The following SLC12A8 variants were observed in gnomAD, a reference collection of about 807,000 sequenced individuals.
SLC12A8 encodes the protein solute carrier family 12 member 8.
SLC12A8 carries 69 observed loss-of-function variants against 75.6 expected under a neutral mutation model. That is an observed-to-expected ratio of 0.91 (90% CI 0.75 to 1.11). The LOEUF (loss-of-function observed/expected upper bound fraction) is 1.11, where lower values mean the gene tolerates loss of function less well. Among genes scored for constraint, SLC12A8 ranks in the 50% most tolerant of loss-of-function variants. SLC12A8 has a pLI of 0.00. For missense variants in SLC12A8, 877 were observed against 896.7 expected (o/e 0.98, Z 0.28); for synonymous variants, 365 against 372.8 (o/e 0.98, Z 0.24).
At chr3:125,208,285 C>T (rs976415531) in intron 2 of SLC12A8, among the ~76,000 whole-genome samples, 3 of 152,164 alleles carry the variant, frequency 2.0e-5, no homozygotes, top group Non-Finnish European at 4.4e-5. Context: ...GGAACAATGT[C>T]CCACATTCTG....
chr3:125,203,030 G>A (rs1258340191), intron 2 of SLC12A8, among the ~76,000 whole-genome samples: 1 of 142,550 alleles, frequency 7.0e-6, no homozygotes, highest in South Asian at 2.3e-4. Flanking sequence ...GAAGGTTGCA[G>A]TGAGCTGAGA....
intron 5 of SLC12A8, among the ~76,000 whole-genome samples, chr3:125,174,319 C>G (rs1386623070): frequency 6.6e-6 from 1 of 151,882 alleles, no homozygotes; most frequent in Non-Finnish European, 1.5e-5. Flanking sequence ...AAAACAAAAA[C>G]AAAAAAACTG....
chr3:125,085,830 C>T (rs1446901989), intron 13 of SLC12A8, among the ~76,000 whole-genome samples: 1 of 152,152 alleles, frequency 6.6e-6, no homozygotes, highest in African/African-American at 2.4e-5. Flanking sequence ...CCTGCCTCAG[C>T]CTCCCAAAGT....
intron 2 of SLC12A8, among the ~76,000 whole-genome samples, chr3:125,205,871 G>C (rs1306355907): frequency 6.6e-6 from 1 of 152,112 alleles, no homozygotes; most frequent in Non-Finnish European, 1.5e-5. Flanking sequence ...GATAGTGAGG[G>C]GGTCATGGCT....
intron 6 of SLC12A8, among the ~76,000 whole-genome samples, chr3:125,124,352 A>T (rs1250075241): frequency 6.6e-6 from 1 of 151,672 alleles, no homozygotes; most frequent in Non-Finnish European, 1.5e-5. Flanking sequence ...TTTGAGATGG[A>T]GTTTCCCTCT....
At chr3:125,157,377 G>A (rs906828432) in intron 5 of SLC12A8, among the ~76,000 whole-genome samples, 33 of 152,150 alleles carry the variant, frequency 2.2e-4, no homozygotes, top group African/African-American at 8.0e-4. Context: ...AATAACGGCT[G>A]TGATCTGAAC....
chr3:125,083,932 G>A lies in SLC12A8; in HGVS notation c.2103C>T (p.His701=), dbSNP rs1284415653. ...ADFATRDRYH[H]SSLVNREQLM... Reference sequence around the variant, plus strand: ...GCTGCTCCCGGTTCACGAGGGAGGAGTGGTGGTAGCGATCCCGAGTGGCGA... The same window carrying A: ...GCTGCTCCCGGTTCACGAGGGAGGAATGGTGGTAGCGATCCCGAGTGGCGA... Residue 701 remains histidine, a synonymous_variant, in exon 14 of 14, where the codon CAC becomes CAT. Coordinates refer to ENST00000469902, the MANE Select transcript of SLC12A8 (RefSeq NM_024628.6). 1 of 1,613,594 alleles carries A rather than the reference G, an allele frequency of 6.2e-7. No individual in the cohort carries two copies. The highest frequency in any genetic ancestry group is 1.3e-5 in the African/African-American group (1 of 74,886).
At chr3:125,086,651 G>T (rs1263762749) in intron 13 of SLC12A8, among the ~76,000 whole-genome samples, 1 of 152,198 alleles carries the variant, frequency 6.6e-6, no homozygotes, top group African/African-American at 2.4e-5. Context: ...GGTTGTAGGG[G>T]AGAAGAGATC....
rs753235588 is a variant in SLC12A8 at position 125,108,062 on chromosome 3, AC to A, written c.1123del (p.Val375PhefsTer6). 6.2e-7 allele frequency: 1 copy of A among 1,614,196 alleles called. No individual in the cohort carries two copies. The highest frequency in any genetic ancestry group is 8.5e-7 in the Non-Finnish European group (1 of 1,180,038). The stretch of plus-strand genomic sequence containing the variant: ...CAGAACGTTCACTTGACCCACAAAA[AC>A]AAAGGCCATGGTCACCAAGCTGGTC... Reference protein sequence around the residue: ...CLTSLVTMAFVFVGQVNVLAP... With the variant: ...CLTSLVTMAFXFVGQVNVLAP... On this transcript the variant is annotated frameshift_variant, in exon 10 of 14. Coordinates refer to ENST00000469902, the MANE Select transcript of SLC12A8 (RefSeq NM_024628.6). LOFTEE classifies it high-confidence loss of function.
chr3:125,193,012 C>G (rs1934936614), intron 2 of SLC12A8, among the ~76,000 whole-genome samples: 1 of 152,138 alleles, frequency 6.6e-6, no homozygotes. Context: ...AATAAAATGC[C>G]AAATAAAGCC....
intron 5 of SLC12A8, among the ~76,000 whole-genome samples, chr3:125,174,502 A>G (rs1934478866): frequency 6.6e-6 from 1 of 152,182 alleles, no homozygotes; most frequent in East Asian, 1.9e-4. Context: ...ATGAATGAAA[A>G]ATGTATCCTC....
At chr3:125,094,094 G>A (rs1171015060) in intron 10 of SLC12A8, among the ~76,000 whole-genome samples, 1 of 152,042 alleles carries the variant, frequency 6.6e-6, no homozygotes, top group Admixed American at 6.5e-5. Flanking sequence ...TGCACTTGCG[G>A]TGTGTCATTA....
intron 10 of SLC12A8, among the ~76,000 whole-genome samples, chr3:125,104,808 C>T (rs1399300938): frequency 6.6e-6 from 1 of 152,164 alleles, no homozygotes; most frequent in Non-Finnish European, 1.5e-5. Flanking sequence ...TTTAGAGGCT[C>T]ACCCTTTTGC....
At chr3:125,174,845 T>G (rs142961310) in intron 5 of SLC12A8, among the ~76,000 whole-genome samples, 1 of 152,314 alleles carries the variant, frequency 6.6e-6, no homozygotes, top group Non-Finnish European at 1.5e-5. Flanking sequence ...CACAGGGAAT[T>G]TTTAGGGCAG....
chr3:125,153,412 C>G (rs1933977598), intron 5 of SLC12A8, among the ~76,000 whole-genome samples: 1 of 152,188 alleles, frequency 6.6e-6, no homozygotes, highest in African/African-American at 2.4e-5. Context: ...CTTCTTTCTG[C>G]TATATCTGAT....
rs773240872 is a variant in SLC12A8 at position 125,190,360 on chromosome 3, C to A, written c.198+15G>T. 3 of 1,613,476 alleles carry A rather than the reference C, an allele frequency of 1.9e-6. No homozygotes were observed. The highest frequency in any genetic ancestry group is 2.5e-6 in the Non-Finnish European group (3 of 1,179,612). ...GGGCCCGTGAGAGGCTCCAGGCCAC[C>A]AACTCAGCACTCACCACCAGCCAGC... On this transcript the variant is annotated intron_variant, in intron 3 of 13. Transcript: ENST00000469902.
intron 5 of SLC12A8, among the ~76,000 whole-genome samples, chr3:125,169,160 A>C (rs1254532603): frequency 6.6e-6 from 1 of 152,270 alleles, no homozygotes. Flanking sequence ...ATGGCAATAA[A>C]ATCATTTTGG....
At chr3:125,178,540 G>T (rs900397235) in intron 4 of SLC12A8, among the ~76,000 whole-genome samples, 2 of 152,062 alleles carry the variant, frequency 1.3e-5, no homozygotes, top group African/African-American at 4.8e-5. Flanking sequence ...CTCACTATTT[G>T]CTGTTGATTA....
intron 4 of SLC12A8, among the ~76,000 whole-genome samples, chr3:125,183,706 T>C (rs756401518): frequency 6.6e-6 from 1 of 152,190 alleles, no homozygotes; most frequent in Non-Finnish European, 1.5e-5. Flanking sequence ...GAGCCACTAA[T>C]GAACGTTCTT....
Sources: gnomAD v4.1 joint callset for allele counts (sites outside exome capture counted in the v4.1 genomes callset) on GRCh38, gnomAD v4.1.1 for gene constraint, MANE v1.5 for transcripts, NCBI Gene and HGNC (gene_info 2026-07-23, HGNC 2026-07-21) for gene names.